The following MLXIP variants were observed in gnomAD, a reference collection of about 807,000 sequenced individuals.
MLXIP encodes MLX interacting protein.
Under a neutral mutation model 87.2 loss-of-function variants are expected in MLXIP, and 30 were observed. That is an observed-to-expected ratio of 0.34 (90% confidence interval 0.26 to 0.47). The LOEUF is 0.47. MLXIP is among the 20% of genes least tolerant of loss of function. The probability of loss-of-function intolerance (pLI) is 1.00; values close to 1 mark genes in which losing one functional copy is unlikely to be tolerated. For missense variants in MLXIP, 1,002 were observed against 1,240.1 expected, an observed-to-expected ratio of 0.81 and a Z score of 2.88; for synonymous variants, 530 against 514.0, an observed-to-expected ratio of 1.03 and a Z score of -0.42.
intron 1 of MLXIP, among the ~76,000 whole-genome samples, chr12:122,099,583 G>A (rs1455868955): frequency 6.6e-6 from 1 of 152,252 alleles, no homozygotes; most frequent in Non-Finnish European, 1.5e-5. Context: ...TCTGATGTCT[G>A]TCCCTATCAT....
chr12:122,135,458 CAG>C lies in MLXIP; in HGVS notation c.1855-30_1855-29del, dbSNP rs758851560. Reference sequence around the variant, plus strand: ...TGCCGCCCTGCTGTATATCAGCAGTCAGGGGTGACCTGTCTCCCATGTCACTG... The same window carrying C: ...TGCCGCCCTGCTGTATATCAGCAGTCGGGTGACCTGTCTCCCATGTCACTG... On this transcript the variant is annotated intron_variant, in intron 10 of 16. Transcript: ENST00000319080. The surrounding 1 kb of genome is among the most constrained non-coding windows in gnomAD (Gnocchi z 5.3). 2.9e-5 allele frequency: 47 copies of C among 1,608,598 alleles called. 1 individual carries two copies. In the Admixed American group the frequency reaches 6.9e-4, roughly 24 times the overall value.
chr12:122,079,290 A>C (rs1593050206), intron 1 of MLXIP, 24 bp downstream of exon 1: 2 of 1,542,596 alleles, frequency 1.3e-6, no homozygotes, highest in Non-Finnish European at 8.8e-7. Flanking sequence ...CGACCCCCTG[A>C]GGCCCCGGCC....
chr12:122,080,113 C>G (rs1952069910), intron 1 of MLXIP, among the ~76,000 whole-genome samples: 1 of 152,152 alleles, frequency 6.6e-6, no homozygotes, highest in African/African-American at 2.4e-5. Flanking sequence ...AAGATTAAAG[C>G]GCTTTTTCAC....
intron 1 of MLXIP, among the ~76,000 whole-genome samples, chr12:122,113,961 A>T (rs1424665400): frequency 4.0e-5 from 6 of 148,972 alleles, no homozygotes; most frequent in Non-Finnish European, 7.4e-5. Flanking sequence ...CTGGGATTAC[A>T]GGCGTGAGCC....
intron 4 of MLXIP, 85 bp downstream of exon 4, chr12:122,129,311 C>A: frequency 8.1e-7 from 1 of 1,235,532 alleles, no homozygotes; most frequent in Non-Finnish European, 1.2e-6. Context: ...AGGCGGTAGG[C>A]TCCACAGCCG....
intron 1 of MLXIP, among the ~76,000 whole-genome samples, chr12:122,116,069 C>T (rs1952686641): frequency 6.6e-6 from 1 of 151,708 alleles, no homozygotes; most frequent in East Asian, 1.9e-4. Context: ...CACACACACA[C>T]ACACACACAC....
chr12:122,141,503 C>A lies in MLXIP; in HGVS notation c.2639-188C>A, dbSNP rs182883644. ...ACGGCAGCTCCTGGATTTGGGGAGG[C>A]TTCTGGAGGCAGAGGGGTGAGTGCC... On this transcript the variant is annotated intron_variant, in intron 16 of 16. Coordinates refer to ENST00000319080, the MANE Select transcript of MLXIP (RefSeq NM_014938.6). 655 of 510,002 alleles carry A rather than the reference C, an allele frequency of 1.3e-3. 3 individuals are homozygous for A. Among genetic ancestry groups the A allele is most frequent in the African/African-American group, 0.012 (589 of 48,126 alleles). The allele number at this position is 510,002 out of a possible 1,614,324, so 31.6% of individuals were successfully genotyped here.
intron 1 of MLXIP, among the ~76,000 whole-genome samples, chr12:122,087,868 T>C (rs561884342): frequency 6.6e-6 from 1 of 152,238 alleles, no homozygotes; most frequent in Admixed American, 6.5e-5. Flanking sequence ...GTTTTTGGAC[T>C]TGCTGGTGAA....
rs4758686 is a variant in MLXIP at position 122,138,453 on chromosome 12, T to C, written c.2286T>C (p.Thr762=). The C allele has an allele frequency of 0.53, 849,296 of 1,613,576 alleles. 225,062 individuals carry two copies. The highest frequency in any genetic ancestry group is 0.62 in the Admixed American group (37,301 of 60,006). Residue 762 remains threonine (T), a synonymous_variant, in exon 14 of 17, where the codon ACT becomes ACC. Coordinates refer to ENST00000319080, the MANE Select transcript of MLXIP (RefSeq NM_014938.6). ...LTSHAITLQK[T]VEYITKLQQE... Reference sequence around the variant, plus strand: ...GTCACGCCATCACACTGCAGAAGACTGTGGAGTACATCACCAAGCTGCAGC... The same window carrying C: ...GTCACGCCATCACACTGCAGAAGACCGTGGAGTACATCACCAAGCTGCAGC...
intron 1 of MLXIP, among the ~76,000 whole-genome samples, chr12:122,090,992 T>G (rs1291198289): frequency 1.3e-5 from 2 of 148,312 alleles, no homozygotes; most frequent in East Asian, 4.0e-4. Context: ...TAATGGGTTG[T>G]TTTTTTTTTG....
In MLXIP at chr12:122,133,600, G is replaced by T; in HGVS notation, c.1345G>T (p.Val449Leu). 2.8e-6 allele frequency: 4 copies of T among 1,450,842 alleles called. No individual in the cohort carries two copies. Among genetic ancestry groups the T allele is most frequent in the Non-Finnish European group, 3.7e-6 (4 of 1,077,922 alleles). 89.9% of individuals were successfully genotyped at this position (1,450,842 alleles called of 1,614,324 possible). A position where few individuals can be genotyped will look rare whatever the true frequency, so the allele number is the denominator to read the frequency against. ...PSPAPPPISP[V>L]LPLVPPPATA... ...CCCCGCCCCACCGCCCATCTCCCCC[G>T]TGTTACCATTAGTTCCTCCTCCTGC... is the stretch of plus-strand genomic sequence containing the variant. Residue 449 changes from valine (V) to leucine (L), a missense_variant, in exon 9 of 17, where the codon GTG becomes TTG. Physicochemically the swap from Val to Leu is conservative, Grantham distance 32. Transcript: ENST00000319080. This position sits in a 1 kb window ranked among gnomAD's most constrained non-coding sequence, Gnocchi z 4.9.
At chr12:122,097,821 C>T (rs1952377151) in intron 1 of MLXIP, among the ~76,000 whole-genome samples, 1 of 149,004 alleles carries the variant, frequency 6.7e-6, no homozygotes, top group Admixed American at 6.8e-5. Flanking sequence ...GTCTCTGTTT[C>T]CCTTTAGTTT....
chr12:122,130,196 G>C (rs907755680), intron 6 of MLXIP, 84 bp downstream of exon 6: 1 of 1,389,900 alleles, frequency 7.2e-7, no homozygotes, highest in Non-Finnish European at 9.8e-7. Context: ...GTTCCTTCAG[G>C]GCCATCTCTG....
chr12:122,103,054 A>G (rs36172763), intron 1 of MLXIP, among the ~76,000 whole-genome samples: 27,776 of 152,094 alleles, frequency 0.18, 2,750 homozygotes, highest in East Asian at 0.26. Flanking sequence ...CCCAGGCTGA[A>G]GTGCAGCGGC....
At chr12:122,108,693 G>C (rs545336541) in intron 1 of MLXIP, among the ~76,000 whole-genome samples, 1 of 152,102 alleles carries the variant, frequency 6.6e-6, no homozygotes, top group African/African-American at 2.4e-5. Flanking sequence ...CTCCTGCAAG[G>C]CCTGTGTTTT....
chr12:122,094,137 G>A (rs1292397356), intron 1 of MLXIP, among the ~76,000 whole-genome samples: 1 of 145,076 alleles, frequency 6.9e-6, no homozygotes, highest in Non-Finnish European at 1.5e-5. Context: ...TATGTGTGTG[G>A]GGTGTGTGGG....
At chr12:122,109,577 G>A (rs1244191182) in intron 1 of MLXIP, among the ~76,000 whole-genome samples, 1 of 152,242 alleles carries the variant, frequency 6.6e-6, no homozygotes, top group Admixed American at 6.5e-5. Context: ...AGAGACAGAA[G>A]GGCTGTTTGA....
chr12:122,095,645 T>G (rs1242954162), intron 1 of MLXIP, among the ~76,000 whole-genome samples: 1 of 151,130 alleles, frequency 6.6e-6, no homozygotes, highest in African/African-American at 2.4e-5. Flanking sequence ...ATAGTATAGT[T>G]TTTTTTTTAC....
In MLXIP at chr12:122,143,391, T is replaced by C. The variant is rs1030567048; in HGVS notation, c.*1579T>C. 24 of 152,534 alleles carry C rather than the reference T, an allele frequency of 1.6e-4. No individual in the cohort carries two copies. The highest frequency in any genetic ancestry group is 5.3e-4 in the African/African-American group (22 of 41,586). 9.4% of individuals were successfully genotyped at this position (152,534 alleles called of 1,614,324 possible). On this transcript the variant is annotated 3_prime_UTR_variant, in exon 17 of 17. Coordinates refer to ENST00000319080, the MANE Select transcript of MLXIP (RefSeq NM_014938.6). ...GCTTCAGCCCTGCACAAAAGCAGCT[T>C]GGTGACACCACTCAGCCACCCAGAG...
Sources: gnomAD v4.1 joint callset for allele counts (sites outside exome capture counted in the v4.1 genomes callset) on GRCh38, gnomAD v4.1.1 for gene constraint, Gnocchi (gnomAD v3.1) non-coding constraint, MANE v1.5 for transcripts, NCBI Gene and HGNC (gene_info 2026-07-23, HGNC 2026-07-21) for gene names.